GABRG3: variants seen among roughly 807,000 people sequenced by gnomAD.
GABRG3 encodes gamma-aminobutyric acid type A receptor subunit gamma3, also known as gamma-aminobutyric acid receptor subunit gamma-3.
A neutral mutation model predicts 48.8 loss-of-function variants in GABRG3; 25 were observed. The ratio of observed to expected loss-of-function variants is 0.51; its 90% CI spans 0.37 to 0.72. GABRG3 has a LOEUF of 0.72. GABRG3 is among the 30% of genes least tolerant of loss of function. GABRG3 has a pLI of 0.00. For missense variants in GABRG3, 394 were observed against 577.9 expected, an observed-to-expected ratio of 0.68 and a Z score of 3.26; for synonymous variants, 227 against 217.6, an observed-to-expected ratio of 1.04 and a Z score of -0.38.
intron 3 of GABRG3, among the ~76,000 whole-genome samples, chr15:27,244,618 T>G (rs1890221014): frequency 6.6e-6 from 1 of 152,168 alleles, no homozygotes; most frequent in South Asian, 2.1e-4. Flanking sequence ...TTTAAATAAA[T>G]ATTTAAATCT....
chr15:27,057,688 A>C (rs1376727833), intron 3 of GABRG3, among the ~76,000 whole-genome samples: 2 of 151,962 alleles, frequency 1.3e-5, no homozygotes, highest in South Asian at 2.1e-4. Context: ...CTAAGTAAAA[A>C]CTGGTGTTGT....
rs77956716 is a variant in GABRG3, at chr15:27,219,855, G to A, written c.271-106954G>A. Among the ~76,000 whole-genome samples the A allele has an allele frequency of 6.8e-3, 1,039 of 152,330 alleles. 9 individuals are homozygous for A. Among genetic ancestry groups the A allele is most frequent in the African/African-American group, 0.024 (1,006 of 41,562 alleles). On this transcript the variant is annotated intron_variant, in intron 3 of 9. Transcript: ENST00000615808. ...TTTCAGAAATGCATTAATTAGATCA[G>A]TGTCTGTATTTGCAGGGACTTGTGC...
At position 27,538,994 on chromosome 15, in the gene GABRG3, C is replaced by T. The variant is rs1595819644; in HGVS notation, c.*6113C>T. 6.6e-6 allele frequency: 1 copy of T among 152,138 alleles called. No individual in the cohort carries two copies. The highest frequency in any genetic ancestry group is 2.4e-5 in the African/African-American group (1 of 41,410). 9.4% of individuals were successfully genotyped at this position (152,138 alleles called of 1,614,324 possible). A position where few individuals can be genotyped will look rare whatever the true frequency, so the allele number is the denominator to read the frequency against. ...TCAAAATGACAACATTGTCACTAAC[C>T]ACTTTTTAAAAAAGAACTGAAATTC... On this transcript the variant is annotated 3_prime_UTR_variant, in exon 10 of 10. Coordinates refer to ENST00000615808, the MANE Select transcript of GABRG3 (RefSeq NM_033223.5).
intron 5 of GABRG3, among the ~76,000 whole-genome samples, chr15:27,418,164 G>A (rs901271029): frequency 4.6e-5 from 7 of 152,280 alleles, no homozygotes; most frequent in African/African-American, 1.7e-4. Flanking sequence ...AAGGAAGGAG[G>A]CCTGATGACC....
intron 3 of GABRG3, among the ~76,000 whole-genome samples, chr15:27,076,110 A>C (rs1328253814): frequency 6.6e-6 from 1 of 152,042 alleles, no homozygotes; most frequent in African/African-American, 2.4e-5. Flanking sequence ...CTTTTCTGCC[A>C]TCAGTGGTTT....
chr15:27,044,621 A>G (rs1334421354), intron 3 of GABRG3, among the ~76,000 whole-genome samples: 2 of 152,264 alleles, frequency 1.3e-5, no homozygotes, highest in African/African-American at 4.8e-5. Context: ...GACAAATTAA[A>G]TTAACAGAGT....
chr15:27,146,498 A>G (rs1898212400), intron 3 of GABRG3, among the ~76,000 whole-genome samples: 2 of 152,104 alleles, frequency 1.3e-5, no homozygotes, highest in African/African-American at 2.4e-5. Flanking sequence ...AAAGATAGCT[A>G]AAAAGGTAAA....
intron 3 of GABRG3, among the ~76,000 whole-genome samples, chr15:27,150,249 T>C (rs1326262801): frequency 6.6e-6 from 1 of 152,196 alleles, no homozygotes. Flanking sequence ...TGAACCTGTT[T>C]ACACCAAACC....
At chr15:27,484,722 C>T (rs944892357) in intron 6 of GABRG3, among the ~76,000 whole-genome samples, 2 of 152,090 alleles carry the variant, frequency 1.3e-5, no homozygotes, top group Non-Finnish European at 2.9e-5. Context: ...CTAAGGCATG[C>T]TAAACACTCA....
chr15:27,245,734 A>C (rs1052758823), intron 3 of GABRG3, among the ~76,000 whole-genome samples: 2 of 152,162 alleles, frequency 1.3e-5, no homozygotes, highest in Admixed American at 6.5e-5. Flanking sequence ...TTAGCTGGGC[A>C]TGGTGGCTGG....
intron 2 of GABRG3, among the ~76,000 whole-genome samples, chr15:26,984,543 G>A (rs1191249179): frequency 6.6e-6 from 1 of 152,096 alleles, no homozygotes; most frequent in Non-Finnish European, 1.5e-5. Context: ...GGATATATCT[G>A]TTTTAGTTCC....
chr15:27,310,059 A>C (rs1297231773), intron 3 of GABRG3, among the ~76,000 whole-genome samples: 1 of 152,102 alleles, frequency 6.6e-6, no homozygotes, highest in Non-Finnish European at 1.5e-5. Context: ...GAAGCCACAC[A>C]CCAAAGGTTG....
intron 5 of GABRG3, chr15:27,364,541 C>T (rs1471634904): frequency 2.0e-5 from 3 of 152,198 alleles, no homozygotes; most frequent in Admixed American, 2.0e-4. Context: ...CACAGCTCCG[C>T]AGATAAGAAA....
At chr15:27,377,833 A>C (rs1895647480) in intron 5 of GABRG3, among the ~76,000 whole-genome samples, 1 of 152,234 alleles carries the variant, frequency 6.6e-6, no homozygotes. Context: ...AGTCTTTAGA[A>C]TAATGCCTGT....
At chr15:27,316,887 G>C (rs73363148) in intron 3 of GABRG3, among the ~76,000 whole-genome samples, 1,832 of 150,668 alleles carry the variant, frequency 0.012, 52 homozygotes, top group African/African-American at 0.042. Flanking sequence ...TTAAATATTT[G>C]CAGAGAATCT....
intron 5 of GABRG3, among the ~76,000 whole-genome samples, chr15:27,473,295 G>C (rs1211999158): frequency 6.6e-6 from 1 of 152,050 alleles, no homozygotes; most frequent in Non-Finnish European, 1.5e-5. Flanking sequence ...TCTTCTATAG[G>C]ACCCAAATTG....
intron 3 of GABRG3, among the ~76,000 whole-genome samples, chr15:27,106,851 A>G (rs753138525): frequency 1.3e-5 from 2 of 152,064 alleles, no homozygotes; most frequent in Non-Finnish European, 2.9e-5. Context: ...AAAACTGCCA[A>G]CTACTAAAAC....
intron 3 of GABRG3, among the ~76,000 whole-genome samples, chr15:27,192,373 A>C (rs1398375356): frequency 6.6e-6 from 1 of 152,202 alleles, no homozygotes; most frequent in Admixed American, 6.5e-5. Context: ...AATCAGACGT[A>C]GATTTGGTCT....
intron 3 of GABRG3, among the ~76,000 whole-genome samples, chr15:27,195,620 A>G (rs1197541726): frequency 6.6e-6 from 1 of 151,700 alleles, no homozygotes; most frequent in East Asian, 2.0e-4. Flanking sequence ...ATGCCTGGCC[A>G]TGTTTTTGTT....
Sources: allele counts gnomAD v4.1 joint callset (sites outside exome capture counted in the v4.1 genomes callset), GRCh38; gene constraint gnomAD v4.1.1; transcripts MANE v1.5; gene names NCBI Gene and HGNC (gene_info 2026-07-23, HGNC 2026-07-21).